Variants in CEP128 observed in about 807,000 individuals in gnomAD.
CEP128 encodes centrosomal protein 128kDa.
A neutral mutation model predicts 156.7 loss-of-function variants in CEP128; 132 were observed. The ratio of observed to expected loss-of-function variants is 0.84; its 90% confidence interval spans 0.73 to 0.97. The LOEUF (loss-of-function observed/expected upper bound fraction) is 0.97, where lower values mean the gene tolerates loss of function less well. Among genes scored for constraint, CEP128 ranks in the 50% least tolerant of loss-of-function variants. The probability of loss-of-function intolerance (pLI) is 0.00; values close to 1 mark genes in which losing one functional copy is unlikely to be tolerated. For missense variants in CEP128, 1,252 were observed against 1,281.9 expected (o/e 0.98, Z 0.36); for synonymous variants, 469 against 448.9 (o/e 1.04, Z -0.57).
upstream of CEP128, chr14:80,945,711 C>T (rs1886325059): frequency 6.6e-6 from 1 of 152,142 alleles, no homozygotes; most frequent in Non-Finnish European, 1.5e-5. Flanking sequence ...GAGCTGAGGC[C>T]GCCATAGAGA....
chr14:80,934,791 CAT>C (rs1885688809), intron 2 of CEP128, among the ~76,000 whole-genome samples: 1 of 152,002 alleles, frequency 6.6e-6, no homozygotes, highest in Admixed American at 6.6e-5. Context: ...TAACTGGAAA[CAT>C]ATATAAACCA....
At chr14:80,612,107 G>C (rs1893016866) in intron 19 of CEP128, among the ~76,000 whole-genome samples, 2 of 152,026 alleles carry the variant, frequency 1.3e-5, no homozygotes, top group Admixed American at 6.6e-5. Flanking sequence ...TGAGTACCCG[G>C]TAATAGGACA....
intron 7 of CEP128, among the ~76,000 whole-genome samples, chr14:80,896,414 CATT>C (rs1889353045): frequency 6.6e-6 from 1 of 152,140 alleles, no homozygotes; most frequent in African/African-American, 2.4e-5. Flanking sequence ...CAACCATTTC[CATT>C]ATTAATTATT....
At position 80,613,466 on chromosome 14, in the gene CEP128, C is replaced by T. The variant is rs138769034; in HGVS notation, c.2807-33043G>A. The stretch of plus-strand genomic sequence containing the variant: ...TACAGGCGCCCGCCACCATGGCTGG[C>T]TAATTTTTTTTTTTTTGTATTTATG... On this transcript the variant is annotated intron_variant, in intron 19 of 24. Transcript: ENST00000555265. Among the ~76,000 whole-genome samples the T allele has an allele frequency of 8.2e-3, 1,171 of 143,444 alleles. 23 individuals are homozygous for T. The highest frequency in any genetic ancestry group is 0.031 in the African/African-American group (1,110 of 36,164). 94.1% of individuals were successfully genotyped at this position (143,444 alleles called of 152,430 possible).
At chr14:80,854,632 A>G (rs1006493467) in intron 9 of CEP128, among the ~76,000 whole-genome samples, 1 of 152,138 alleles carries the variant, frequency 6.6e-6, no homozygotes, top group East Asian at 1.9e-4. Flanking sequence ...TAAATAAATA[A>G]ATAAGCCTGT....
intron 6 of CEP128, among the ~76,000 whole-genome samples, chr14:80,901,967 C>G (rs902096148): frequency 6.6e-6 from 1 of 152,166 alleles, no homozygotes; most frequent in African/African-American, 2.4e-5. Flanking sequence ...GCCTCGTGGG[C>G]CTTCTTTAAA....
chr14:80,622,159 C>G (rs1163206859), intron 19 of CEP128, among the ~76,000 whole-genome samples: 1 of 152,082 alleles, frequency 6.6e-6, no homozygotes, highest in African/African-American at 2.4e-5. Flanking sequence ...TTTTAGCATT[C>G]TTTATGTGGC....
intron 24 of CEP128, among the ~76,000 whole-genome samples, chr14:80,501,962 C>T (rs1005953153): frequency 6.6e-6 from 1 of 152,090 alleles, no homozygotes; most frequent in African/African-American, 2.4e-5. Flanking sequence ...ATTTTCCTGG[C>T]GAAAACCCAA....
Position 80,838,274 on chromosome 14 carries a change from T to C in CEP128, c.854A>G (p.Glu285Gly). Residue 285 changes from glutamate (E) to glycine (G), a missense_variant, in exon 11 of 25, where the codon GAA becomes GGA. By Grantham distance (98) the Glu-to-Gly change is moderately conservative. Coordinates refer to ENST00000555265, the MANE Select transcript of CEP128 (RefSeq NM_152446.5). ...RQTETEKNQLEQELELSRRLL... is the reference protein window; with the variant it reads ...RQTETEKNQLGQELELSRRLL... ...CCTTCGAGATAGCTCCAATTCCTGT[T>C]CAAGCTAGAGTTTCAACAAAGGATA... 6.2e-7 allele frequency: 1 copy of C among 1,612,108 alleles called. No homozygotes were observed. The highest frequency in any genetic ancestry group is 8.5e-7 in the Non-Finnish European group (1 of 1,178,692).
chr14:80,595,949 T>C (rs949457966), intron 19 of CEP128, among the ~76,000 whole-genome samples: 4 of 151,674 alleles, frequency 2.6e-5, no homozygotes, highest in African/African-American at 7.3e-5. Context: ...GCCCCCATGA[T>C]TTAATTATCT....
intron 19 of CEP128, among the ~76,000 whole-genome samples, chr14:80,704,594 AT>A (rs1268417189): frequency 6.6e-6 from 1 of 152,032 alleles, no homozygotes; most frequent in East Asian, 1.9e-4. Flanking sequence ...TATCAGGACT[AT>A]TTGTCATAAT....
intron 13 of CEP128, among the ~76,000 whole-genome samples, chr14:80,801,161 T>C (rs1001173462): frequency 3.9e-5 from 6 of 152,232 alleles, no homozygotes; most frequent in Non-Finnish European, 8.8e-5. Flanking sequence ...GTTTTCTAAA[T>C]ATAAAATCAT....
intron 13 of CEP128, among the ~76,000 whole-genome samples, chr14:80,812,602 T>C (rs905859605): frequency 2.0e-5 from 3 of 149,740 alleles, no homozygotes; most frequent in African/African-American, 7.7e-5. Context: ...AGAATCTCGC[T>C]CTGTTGCCCA....
intron 18 of CEP128, among the ~76,000 whole-genome samples, chr14:80,747,134 G>A (rs10145160): frequency 0.065 from 9,936 of 152,244 alleles, 1,083 homozygotes; most frequent in African/African-American, 0.23. Context: ...CTGCCAGTGC[G>A]AATGCACAGC....
intron 13 of CEP128, among the ~76,000 whole-genome samples, chr14:80,823,592 T>A (rs1885308811): frequency 6.8e-6 from 1 of 146,608 alleles, no homozygotes; most frequent in African/African-American, 2.5e-5. Flanking sequence ...TAAAGCTGGA[T>A]ACAGTTTGGC....
chr14:80,859,240 C>T (rs1467856139), intron 9 of CEP128, among the ~76,000 whole-genome samples: 1 of 150,432 alleles, frequency 6.6e-6, no homozygotes, highest in Non-Finnish European at 1.5e-5. Flanking sequence ...AGTTCATGTC[C>T]TTTGTAGGGA....
Position 80,831,159 on chromosome 14 carries a change from A to G in CEP128, c.1193T>C (p.Leu398Ser). ...MERKDKEKAH[L>S]ASQVENLTRE... Reference sequence around the variant, plus strand: ...CAAAGTCACCTCTACTTGTGATGCCAAATGTGCTTTCTCCTTGTCTTTTCT... The same window carrying G: ...CAAAGTCACCTCTACTTGTGATGCCGAATGTGCTTTCTCCTTGTCTTTTCT... The change falls in exon 13 of 25, where the codon TTG becomes TCG. Residue 398 changes from leucine (L) to serine (S), a missense_variant. By Grantham distance (145) the Leu-to-Ser change is moderately radical (BLOSUM62 -2). Transcript: ENST00000555265. 3 of 1,614,022 alleles carry G rather than the reference A, an allele frequency of 1.9e-6. No homozygotes were observed. Among genetic ancestry groups the G allele is most frequent in the Non-Finnish European group, 2.5e-6 (3 of 1,179,906 alleles).
intron 19 of CEP128, among the ~76,000 whole-genome samples, chr14:80,588,358 T>C (rs1331204757): frequency 1.3e-5 from 2 of 152,120 alleles, no homozygotes; most frequent in Non-Finnish European, 2.9e-5. Context: ...TACATCACAA[T>C]GTAAATATAT....
intron 23 of CEP128, 33 bp from the exon 24 acceptor site, chr14:80,505,053 T>C: frequency 8.7e-7 from 1 of 1,144,996 alleles, no homozygotes; most frequent in Non-Finnish European, 1.3e-6. Flanking sequence ...TTTCAATGAT[T>C]ACACAAGGTA....
Sources: gnomAD v4.1 joint callset for allele counts (sites outside exome capture counted in the v4.1 genomes callset) on GRCh38, gnomAD v4.1.1 for gene constraint, MANE v1.5 for transcripts, NCBI Gene and HGNC (gene_info 2026-07-23, HGNC 2026-07-21) for gene names.